The following NCOA7 variants were observed in gnomAD, a reference collection of about 807,000 sequenced individuals.
NCOA7 encodes nuclear receptor coactivator 7, also known as 140 kDa estrogen receptor-associated protein.
A neutral mutation model predicts 104.3 loss-of-function variants in NCOA7; 45 were observed. The ratio of observed to expected loss-of-function variants is 0.43; its 90% CI spans 0.34 to 0.55. The LOEUF is 0.55. Ranked by LOEUF, NCOA7 falls within the 20% of genes least tolerant of loss-of-function variation. The probability of loss-of-function intolerance (pLI) is 0.02; values close to 1 mark genes in which losing one functional copy is unlikely to be tolerated. For missense variants in NCOA7, 1,041 were observed against 1,119.7 expected, an observed-to-expected ratio of 0.93 and a Z score of 1.00; for synonymous variants, 398 against 402.3, an observed-to-expected ratio of 0.99 and a Z score of 0.13.
intron 2 of NCOA7, among the ~76,000 whole-genome samples, chr6:125,844,306 C>A (rs972466813): frequency 2.0e-5 from 3 of 152,104 alleles, no homozygotes; most frequent in African/African-American, 7.2e-5. Context: ...TTCTTTGAAG[C>A]CGGAGTATTT....
chr6:125,792,743 C>G (rs1380775164), intron 1 of NCOA7, among the ~76,000 whole-genome samples: 4 of 151,450 alleles, frequency 2.6e-5, no homozygotes, highest in Admixed American at 2.6e-4. Context: ...TTGCAAGATA[C>G]AGTGTCTTCC....
At position 125,882,472 on chromosome 6, in the gene NCOA7, TATC is replaced by T. The variant is rs780278353; in HGVS notation, c.621_623del (p.Ser209del). On this transcript the variant is annotated inframe_deletion, in exon 7 of 16. Transcript: ENST00000392477. ...GCCTTGAAACCCATTGAAAGAGTCT[TATC>T]GTCTACTTCTGAAGAAGATGAGCCA... The T allele has an allele frequency of 6.2e-7, 1 of 1,613,736 alleles. No homozygotes were observed. The highest frequency in any genetic ancestry group is 1.3e-5 in the African/African-American group (1 of 74,924).
chr6:125,818,002 C>G (rs991535652), intron 2 of NCOA7, among the ~76,000 whole-genome samples: 7 of 151,944 alleles, frequency 4.6e-5, no homozygotes, highest in African/African-American at 1.7e-4. Flanking sequence ...TCACCTCCTC[C>G]CTTTCTTCCT....
Position 125,908,380 on chromosome 6 carries a change from A to G in NCOA7, c.2097-6953A>G, listed in dbSNP as rs564174586. ...TAAGTTTCAGAATCAGTAGCACACC[A>G]TGCCTCAATTTGTCTGCTCCTAAAA... is the stretch of plus-strand genomic sequence containing the variant. On this transcript the variant is annotated intron_variant, in intron 10 of 15. Coordinates refer to ENST00000392477, the MANE Select transcript of NCOA7 (RefSeq NM_181782.5). Among the ~76,000 whole-genome samples, 9 of 152,284 alleles carry G rather than the reference A, an allele frequency of 5.9e-5. No homozygotes were observed. In the South Asian group the frequency reaches 1.9e-3, roughly 32 times the overall value.
chr6:125,896,754 C>G (rs189949557), intron 10 of NCOA7, among the ~76,000 whole-genome samples: 180 of 152,126 alleles, frequency 1.2e-3, no homozygotes, highest in Non-Finnish European at 1.6e-3. Context: ...ATCACGCCTC[C>G]GCACTCCAAC....
At chr6:125,782,076 AG>A (rs1774252443) in intron 1 of NCOA7, among the ~76,000 whole-genome samples, 1 of 152,254 alleles carries the variant, frequency 6.6e-6, no homozygotes, top group Non-Finnish European at 1.5e-5. Flanking sequence ...TTTAAAAAAA[AG>A]AAATGTAAAA....
intron 2 of NCOA7, among the ~76,000 whole-genome samples, chr6:125,845,650 G>A (rs1254706807): frequency 6.6e-6 from 1 of 152,138 alleles, no homozygotes; most frequent in Admixed American, 6.6e-5. Context: ...GGTGCTGCAT[G>A]CCTGCAATCC....
At chr6:125,811,312 A>G (rs180930173) in intron 1 of NCOA7, among the ~76,000 whole-genome samples, 7 of 152,250 alleles carry the variant, frequency 4.6e-5, no homozygotes. Context: ...TAGCTTTTAT[A>G]TGGATTTTCT....
intron 13 of NCOA7, among the ~76,000 whole-genome samples, chr6:125,924,918 T>C (rs1787899763): frequency 6.6e-6 from 1 of 152,124 alleles, no homozygotes; most frequent in Non-Finnish European, 1.5e-5. Flanking sequence ...AGATCAGTGT[T>C]TCTGAGGCTA....
chr6:125,891,485 T>C (rs918578720), intron 10 of NCOA7, among the ~76,000 whole-genome samples: 2 of 152,218 alleles, frequency 1.3e-5, no homozygotes, highest in Non-Finnish European at 2.9e-5. Flanking sequence ...TTATTTCATA[T>C]ATGTGGTAGA....
intron 3 of NCOA7, among the ~76,000 whole-genome samples, chr6:125,859,873 A>T (rs1781894310): frequency 6.6e-6 from 1 of 152,212 alleles, no homozygotes; most frequent in Non-Finnish European, 1.5e-5. Context: ...AGGAAAACAC[A>T]ACAGTTCAGA....
chr6:125,854,033 A>G (rs1434156081), intron 2 of NCOA7, among the ~76,000 whole-genome samples: 1 of 152,292 alleles, frequency 6.6e-6, no homozygotes, highest in East Asian at 1.9e-4. Flanking sequence ...CCCAACATCA[A>G]ATTGGACATA....
Position 125,921,212 on chromosome 6 carries a change from C to A in NCOA7, c.2370+144C>A. 6.3e-6 allele frequency: 7 copies of A among 1,103,066 alleles called. No homozygotes were observed. In the South Asian group the frequency reaches 9.8e-5, roughly 15 times the overall value. 68.3% of individuals were successfully genotyped at this position (1,103,066 alleles called of 1,614,324 possible). A position where few individuals can be genotyped will look rare whatever the true frequency, so the allele number is the denominator to read the frequency against. On this transcript the variant is annotated intron_variant, in intron 12 of 15. Transcript: ENST00000392477. ...ATCACTTGAGGTCAGGAGTTTGAGA[C>A]CAGACTGGACAACATGGCAAAACCC...
intron 2 of NCOA7, among the ~76,000 whole-genome samples, chr6:125,816,686 G>A (rs936040440): frequency 2.6e-5 from 4 of 152,308 alleles, no homozygotes; most frequent in South Asian, 2.1e-4. Context: ...AGATTCACAT[G>A]TAGTTAGTTG....
intron 2 of NCOA7, among the ~76,000 whole-genome samples, chr6:125,818,165 A>G (rs1400977822): frequency 6.6e-6 from 1 of 151,014 alleles, no homozygotes. Context: ...TAGTGATTTT[A>G]AGAGCTATAG....
chr6:125,922,619 C>T, intron 12 of NCOA7, 63 bp from the exon 13 acceptor site: 1 of 1,569,052 alleles, frequency 6.4e-7, no homozygotes, highest in Non-Finnish European at 8.7e-7. Context: ...TGTTTTGTGC[C>T]ACATGTTCGT....
At chr6:125,928,593 A>G (rs1350043273) in intron 15 of NCOA7, 43 bp from the exon 16 acceptor site, 1 of 1,577,306 alleles carries the variant, frequency 6.3e-7, no homozygotes, top group Non-Finnish European at 8.6e-7. Flanking sequence ...GTCATGTAAC[A>G]TAGAAGTGTT....
intron 13 of NCOA7, among the ~76,000 whole-genome samples, chr6:125,927,028 G>A (rs1057149797): frequency 1.3e-5 from 2 of 152,094 alleles, no homozygotes; most frequent in Non-Finnish European, 2.9e-5. Context: ...ACACATCTAA[G>A]TTACCTTTCA....
intron 8 of NCOA7, among the ~76,000 whole-genome samples, chr6:125,888,050 T>C (rs1361179439): frequency 6.6e-6 from 1 of 152,198 alleles, no homozygotes; most frequent in Non-Finnish European, 1.5e-5. Context: ...CTTGATCATT[T>C]ATTTTACACT....
Sources: allele counts gnomAD v4.1 joint callset (sites outside exome capture counted in the v4.1 genomes callset), GRCh38; gene constraint gnomAD v4.1.1; transcripts MANE v1.5; gene names NCBI Gene and HGNC (gene_info 2026-07-23, HGNC 2026-07-21).